The following PNPLA8 variants were observed in gnomAD, a reference collection of about 807,000 sequenced individuals.
PNPLA8 encodes calcium-independent phospholipase A2-gamma.
PNPLA8 carries 39 observed loss-of-function variants against 76.9 expected under a neutral mutation model. That is an observed-to-expected ratio of 0.51 (90% CI 0.39 to 0.66). The LOEUF is 0.66. Ranked by LOEUF, PNPLA8 falls within the 30% of genes least tolerant of loss-of-function variation. The pLI is 0.00. For missense variants in PNPLA8, 887 were observed against 918.0 expected, an observed-to-expected ratio of 0.97 and a Z score of 0.44; for synonymous variants, 301 against 307.9, an observed-to-expected ratio of 0.98 and a Z score of 0.24.
chr7:108,479,482 TAAA>T, intron 9 of PNPLA8, 103 bp from the exon 10 acceptor site: 1 of 776,968 alleles, frequency 1.3e-6, no homozygotes. Flanking sequence ...AGAGGTTCCT[TAAA>T]AGTGCATTTC....
intron 5 of PNPLA8, among the ~76,000 whole-genome samples, chr7:108,500,027 G>A (rs1481936342): frequency 1.3e-5 from 2 of 151,936 alleles, no homozygotes; most frequent in African/African-American, 4.8e-5. Context: ...TTTCTTCATA[G>A]CACCCAGAAT....
At chr7:108,488,880 G>A (rs1234833200) in intron 8 of PNPLA8, among the ~76,000 whole-genome samples, 1 of 152,156 alleles carries the variant, frequency 6.6e-6, no homozygotes, top group Non-Finnish European at 1.5e-5. Flanking sequence ...GTATTGATGA[G>A]GCCAAAGTTA....
In PNPLA8 at chr7:108,496,629, C is replaced by T. The variant is rs1598909288; in HGVS notation, c.1580G>A (p.Trp527Ter). ...TTGACTGTCATAAAATGCATGGCTC[C>T]AACTCATTTTTACTGTTCCAACAAT... ...NVIVGTVKMS[W>*]SHAFYDSQTW... Residue 527 changes from tryptophan to a stop codon, truncating the protein, a stop_gained, in exon 7 of 11, where the codon TGG (tryptophan) becomes TAG (stop). Coordinates refer to ENST00000257694, the MANE Select transcript of PNPLA8 (RefSeq NM_001256007.3). LOFTEE classifies it high-confidence loss of function. 1 of 1,606,256 alleles carries T rather than the reference C, an allele frequency of 6.2e-7. No individual in the cohort carries two copies. Among genetic ancestry groups the T allele is most frequent in the African/African-American group, 1.3e-5 (1 of 74,494 alleles).
At chr7:108,505,303 TATATATATATATATA>T (rs1563967110) in intron 4 of PNPLA8, among the ~76,000 whole-genome samples, 1 of 3,042 alleles carries the variant, frequency 3.3e-4, no homozygotes, top group East Asian at 9.4e-3. Flanking sequence ...AGAAAATTTA[TATATATATATATATA>T]TATATATATA....
At chr7:108,498,519 C>T (rs1490404654) in intron 5 of PNPLA8, among the ~76,000 whole-genome samples, 1 of 151,662 alleles carries the variant, frequency 6.6e-6, no homozygotes, top group Admixed American at 6.6e-5. Context: ...ATGATCCACC[C>T]GCCTCAGCCT....
Position 108,497,916 on chromosome 7 carries a change from C to T in PNPLA8, c.1359-339G>A, listed in dbSNP as rs1034276792. Among the ~76,000 whole-genome samples the T allele has an allele frequency of 3.3e-5, 5 of 150,252 alleles. No homozygotes were observed. The South Asian group carries it at 6.3e-4, about 19-fold the overall frequency. On this transcript the variant is annotated intron_variant, in intron 5 of 10. Transcript: ENST00000257694. Reference sequence around the variant, plus strand: ...CAGTGGCTCATTCTTGTAATCCCAGCGCTTTGGGAGGTTGAGGTAAGAGGA... The same window carrying T: ...CAGTGGCTCATTCTTGTAATCCCAGTGCTTTGGGAGGTTGAGGTAAGAGGA...
Position 108,470,604 on chromosome 7 carries a change from CGAA to C in PNPLA8, c.*1794_*1796del, listed in dbSNP as rs1859576928. The stretch of plus-strand genomic sequence containing the variant: ...ATTGTGCTTGAAATTTGCTTTATTA[CGAA>C]GAATTCCCAGAAATATTCTGATTTC... On this transcript the variant is annotated 3_prime_UTR_variant, in exon 11 of 11. Coordinates refer to ENST00000257694, the MANE Select transcript of PNPLA8 (RefSeq NM_001256007.3). 6.6e-6 allele frequency: 1 copy of C among 151,994 alleles called. No homozygotes were observed. The highest frequency in any genetic ancestry group is 2.4e-5 in the African/African-American group (1 of 41,384). 9.4% of individuals were successfully genotyped at this position (151,994 alleles called of 1,614,324 possible). A position where few individuals can be genotyped will look rare whatever the true frequency, so the allele number is the denominator to read the frequency against.
At position 108,475,836 on chromosome 7, in the gene PNPLA8, G is replaced by C. The variant is rs115333915; in HGVS notation, c.2075-3161C>G. ...CAGAGATCGCTGTCCTATGTTACCTGTTTTCTCATGTCTGAAAATCATTGT... is the reference window on the plus strand; with the variant it reads ...CAGAGATCGCTGTCCTATGTTACCTCTTTTCTCATGTCTGAAAATCATTGT... On this transcript the variant is annotated intron_variant, in intron 10 of 10. Transcript: ENST00000257694. Among the ~76,000 whole-genome samples the C allele has an allele frequency of 8.3e-3, 1,259 of 152,226 alleles. 19 individuals are homozygous for C. Among genetic ancestry groups the C allele is most frequent in the African/African-American group, 0.029 (1,221 of 41,542 alleles).
At chr7:108,505,612 C>A (rs1862364354) in intron 4 of PNPLA8, among the ~76,000 whole-genome samples, 1 of 151,674 alleles carries the variant, frequency 6.6e-6, no homozygotes, top group African/African-American at 2.4e-5. Context: ...CTGCCCACCT[C>A]AGCCTCCCGA....
At chr7:108,496,504 A>C (rs958071797) in intron 7 of PNPLA8, 80 bp downstream of exon 7, 14 of 795,982 alleles carry the variant, frequency 1.8e-5, no homozygotes, top group Non-Finnish European at 2.3e-5. Context: ...AATATAATTT[A>C]ATATTGACAT....
At chr7:108,511,054 A>AG (rs1554687511) in intron 4 of PNPLA8, 5 of 695,500 alleles carry the variant, frequency 7.2e-6, no homozygotes, top group East Asian at 2.8e-5. Context: ...AAAAAAAAAA[A>AG]AAAAAGAAAA....
chr7:108,483,904 T>C lies in PNPLA8; in HGVS notation c.1878+3855A>G, dbSNP rs184086209. ...TACTTATCCCACAACAGAGGTAACA[T>C]TTAATTTCTAATTTGGCAGAAAAGT... On this transcript the variant is annotated intron_variant, in intron 9 of 10. Coordinates refer to ENST00000257694, the MANE Select transcript of PNPLA8 (RefSeq NM_001256007.3). Among the ~76,000 whole-genome samples, 6 of 152,364 alleles carry C rather than the reference T, an allele frequency of 3.9e-5. No individual in the cohort carries two copies. The East Asian group carries it at 9.6e-4, about 24-fold the overall frequency.
At chr7:108,499,153 A>G (rs1008061718) in intron 5 of PNPLA8, among the ~76,000 whole-genome samples, 1 of 152,344 alleles carries the variant, frequency 6.6e-6, no homozygotes, top group East Asian at 1.9e-4. Context: ...TATCACAAAA[A>G]GGAAATAAAA....
chr7:108,473,386 A>G (rs1193000687), intron 10 of PNPLA8, among the ~76,000 whole-genome samples: 1 of 152,164 alleles, frequency 6.6e-6, no homozygotes, highest in East Asian at 1.9e-4. Context: ...ATTTACACAT[A>G]AGTCTTCATG....
intron 4 of PNPLA8, 120 bp downstream of exon 4, chr7:108,514,024 A>G: frequency 1.5e-6 from 1 of 685,092 alleles, no homozygotes; most frequent in Non-Finnish European, 2.6e-6. Context: ...TACACATCAC[A>G]TGTATAATAA....
intron 10 of PNPLA8, among the ~76,000 whole-genome samples, chr7:108,477,593 C>T (rs142221844): frequency 3.3e-5 from 5 of 152,256 alleles, no homozygotes; most frequent in Admixed American, 2.0e-4. Flanking sequence ...GGCCCAGTGG[C>T]CCATGCTAGT....
In PNPLA8 at chr7:108,472,393, T is replaced by TA; in HGVS notation, c.*7dup. On this transcript the variant is annotated 3_prime_UTR_variant, in exon 11 of 11. Coordinates refer to ENST00000257694, the MANE Select transcript of PNPLA8 (RefSeq NM_001256007.3). ...ACCTTCATTTATGAGAACATAAGCA[T>TA]ATACTCATCACAATTTTGAAAAGAA... 6.5e-7 allele frequency: 1 copy of TA among 1,540,554 alleles called. No individual in the cohort carries two copies.
chr7:108,474,321 C>G (rs1306915807), intron 10 of PNPLA8, among the ~76,000 whole-genome samples: 2 of 152,052 alleles, frequency 1.3e-5, no homozygotes, highest in Non-Finnish European at 2.9e-5. Flanking sequence ...CATCTAAGAT[C>G]AGGAACAGGG....
chr7:108,491,174 G>GT (rs1160768033), intron 8 of PNPLA8, among the ~76,000 whole-genome samples: 1 of 152,148 alleles, frequency 6.6e-6, no homozygotes, highest in Non-Finnish European at 1.5e-5. Flanking sequence ...AGGCGTGGTG[G>GT]TGCATGCCTG....
Sources: gnomAD v4.1 joint callset for allele counts (sites outside exome capture counted in the v4.1 genomes callset) on GRCh38, gnomAD v4.1.1 for gene constraint, MANE v1.5 for transcripts, NCBI Gene and HGNC (gene_info 2026-07-23, HGNC 2026-07-21) for gene names.